TAS1R2: variants seen among roughly 807,000 people sequenced by gnomAD.
The protein encoded by TAS1R2 is taste receptor type 1 member 2.
A neutral mutation model predicts 49.3 loss-of-function variants in TAS1R2; 47 were observed. The ratio of observed to expected loss-of-function variants is 0.95; its 90% CI spans 0.75 to 1.22. The LOEUF (loss-of-function observed/expected upper bound fraction) is 1.22, where lower values mean the gene tolerates loss of function less well. Among genes scored for constraint, TAS1R2 ranks in the 50% most tolerant of loss-of-function variants. The probability of loss-of-function intolerance (pLI) is 0.00; values close to 1 mark genes in which losing one functional copy is unlikely to be tolerated. For synonymous variants in TAS1R2, 479 were observed against 467.9 expected (o/e 1.02, Z -0.31); for missense variants, 1,155 against 1,122.1 (o/e 1.03, Z -0.42).
exon 4 of TAS1R2, chr1:18,849,342 G>A (rs538467203): frequency 1.4e-5 from 22 of 1,613,782 alleles, no homozygotes; most frequent in African/African-American, 8.0e-5. Context: ...CTGGCTGACC[G>A]TGTTGTTGAT....
At chr1:18,841,894 A>T (rs1202534325) in intron 4 of TAS1R2, 42 bp from the exon 5 acceptor site, 2 of 1,517,886 alleles carry the variant, frequency 1.3e-6, no homozygotes, top group Non-Finnish European at 1.8e-6. Context: ...CTCTTTTCCC[A>T]CATTCTGGGG....
chr1:18,854,028 G>A lies in TAS1R2; in HGVS notation c.1257+185C>T, dbSNP rs559717405. Reference sequence around the variant, plus strand: ...ATTCCACCTGAATCTCCCAAGAACAGACTACTATCTTGAATGGTGAGTGTT... The same window carrying A: ...ATTCCACCTGAATCTCCCAAGAACAAACTACTATCTTGAATGGTGAGTGTT... On this transcript the variant is annotated intron_variant, in intron 3 of 5. Coordinates refer to ENST00000375371, the Ensembl canonical transcript of TAS1R2. This position sits in a 1 kb window ranked among gnomAD's most constrained non-coding sequence, Gnocchi z 4.9. 9.2e-5 allele frequency among the ~76,000 whole-genome samples: 14 copies of A among 152,336 alleles called. No homozygotes were observed. Among genetic ancestry groups the A allele is most frequent in the African/African-American group, 3.4e-4 (14 of 41,568 alleles).
At position 18,842,241 on chromosome 1, in the gene TAS1R2, G is replaced by A. The variant is rs149580127; in HGVS notation, c.1468-389C>T. 5.6e-3 allele frequency among the ~76,000 whole-genome samples: 853 copies of A among 152,192 alleles called. 9 individuals carry two copies. The highest frequency in any genetic ancestry group is 0.019 in the African/African-American group (807 of 41,494). ...GCACTTATGAAGGTCACAGTTCTGG[G>A]GCACAGGCTTACTGAAAGATTGAGA... On this transcript the variant is annotated intron_variant, in intron 4 of 5. Coordinates refer to ENST00000375371, the Ensembl canonical transcript of TAS1R2.
Position 18,849,419 on chromosome 1 carries a change from C to A in TAS1R2, c.1389G>T (p.Gln463His), listed in dbSNP as rs915916357. Residue 463 changes from glutamine (Q) to histidine (H), a missense_variant, in exon 4 of 6, where the codon CAG becomes CAT. Coordinates refer to ENST00000375371, the Ensembl canonical transcript of TAS1R2. ...GCAGGGGGTAGTAGGAGGCGACGCT[C>A]TGGAAGGGATTCTGGCTCCGGTCCC... The A allele has an allele frequency of 3.1e-6, 5 of 1,614,120 alleles. No homozygotes were observed. The African/African-American group carries it at 4.0e-5, about 13-fold the overall frequency.
At chr1:18,839,766 C>A (rs760329980) in exon 6 of TAS1R2, 1 of 1,614,066 alleles carries the variant, frequency 6.2e-7, no homozygotes, top group African/African-American at 1.3e-5. Flanking sequence ...ACCAGCACCC[C>A]GCTGTAGGCA....
At chr1:18,840,119 C>T (rs1262448574) in exon 6 of TAS1R2, 29 of 1,614,202 alleles carry the variant, frequency 1.8e-5, no homozygotes, top group Non-Finnish European at 2.4e-5. Flanking sequence ...GCTGTAGGCG[C>T]GTGGGAAGCG....
intron 1 of TAS1R2, chr1:18,858,600 A>G (rs1934184548): frequency 6.6e-6 from 1 of 152,386 alleles, no homozygotes; most frequent in Non-Finnish European, 1.5e-5. Flanking sequence ...CACTATCATC[A>G]TCATCATCAC....
At chr1:18,839,734 G>T in exon 6 of TAS1R2, 1 of 1,614,214 alleles carries the variant, frequency 6.2e-7, no homozygotes, top group Non-Finnish European at 8.5e-7. Context: ...TGAGCACAGT[G>T]ACCAAGAGGT....
chr1:18,855,170 G>C lies in TAS1R2; in HGVS notation c.484-184C>G, dbSNP rs181747688. On this transcript the variant is annotated intron_variant, in intron 2 of 5. Transcript: ENST00000375371. ...GCCCCATGCAATAAGAACCTACTGT[G>C]TGCCAGGCCCTAGGCCAGGTGCCTT... Among the ~76,000 whole-genome samples the C allele has an allele frequency of 2.9e-3, 440 of 152,268 alleles. 1 individual carries two copies. Among genetic ancestry groups the C allele is most frequent in the African/African-American group, 9.6e-3 (399 of 41,542 alleles).
chr1:18,841,729 C>T (rs1436059836), exon 5 of TAS1R2: 2 of 1,613,206 alleles, frequency 1.2e-6, no homozygotes, highest in South Asian at 2.2e-5. Flanking sequence ...TGAATCATAC[C>T]TTCAGTGTGG....
At chr1:18,849,424 A>G (rs1933981434) in exon 4 of TAS1R2, 6 of 1,614,246 alleles carry the variant, frequency 3.7e-6, no homozygotes, top group Non-Finnish European at 5.1e-6. Flanking sequence ...ACGCTCTGGA[A>G]GGGATTCTGG....
chr1:18,851,381 G>A (rs1458716197), intron 3 of TAS1R2, among the ~76,000 whole-genome samples: 4 of 152,120 alleles, frequency 2.6e-5, no homozygotes, highest in African/African-American at 9.7e-5. Context: ...AGGCTGGAGT[G>A]CAGAGGTGCG....
chr1:18,852,304 G>A (rs1392023795), intron 3 of TAS1R2, among the ~76,000 whole-genome samples: 2 of 152,142 alleles, frequency 1.3e-5, no homozygotes, highest in Non-Finnish European at 2.9e-5. Flanking sequence ...CCTTCATGAG[G>A]GGGTCCATTT....
intron 1 of TAS1R2, chr1:18,858,481 CCAT>C (rs966382673): frequency 3.9e-5 from 6 of 152,374 alleles, no homozygotes; most frequent in African/African-American, 1.2e-4. Context: ...AAAACCATCA[CCAT>C]CATCAACGCA....
Position 18,854,922 on chromosome 1 carries a change from G to T in TAS1R2, c.548C>A (p.Thr183Asn), listed in dbSNP as rs776572438. The change falls in exon 3 of 6, where the codon ACC becomes AAC. Residue 183 changes from threonine to asparagine, a missense_variant. Thr to Asn is a moderately conservative substitution (Grantham distance 65). Coordinates refer to ENST00000375371, the Ensembl canonical transcript of TAS1R2. This position sits in a 1 kb window ranked among gnomAD's most constrained non-coding sequence, Gnocchi z 4.9. ...GATGTGGTGGTCGGCGCTGGGTGTG[G>T]TACGCAGCAAAGCCGGGAAGCGCAC... is the stretch of plus-strand genomic sequence containing the variant. 3 of 1,611,726 alleles carry T rather than the reference G, an allele frequency of 1.9e-6. No individual in the cohort carries two copies. The highest frequency in any genetic ancestry group is 2.2e-5 in the East Asian group (1 of 44,810).
Position 18,849,234 on chromosome 1 carries a change from A to G in TAS1R2, c.1467+107T>C. On this transcript the variant is annotated intron_variant, in intron 4 of 5. Transcript: ENST00000375371. ...CAAATAGACATCCCCCCAGAGATTG[A>G]TAAAGCATCTCCAGGCTCTGTCCCT... is the stretch of plus-strand genomic sequence containing the variant. The G allele has an allele frequency of 3.4e-6, 4 of 1,185,746 alleles. No homozygotes were observed. The South Asian group carries it at 5.8e-5, about 17-fold the overall frequency. 73.5% of individuals were successfully genotyped at this position (1,185,746 alleles called of 1,614,324 possible).
intron 5 of TAS1R2, among the ~76,000 whole-genome samples, chr1:18,840,730 A>G (rs556661329): frequency 2.6e-5 from 4 of 152,348 alleles, no homozygotes; most frequent in African/African-American, 9.6e-5. Context: ...TGAGGAAACC[A>G]AGGCTCAGCC....
chr1:18,859,088 A>C (rs1934193046), intron 1 of TAS1R2, among the ~76,000 whole-genome samples: 1 of 152,142 alleles, frequency 6.6e-6, no homozygotes, highest in Non-Finnish European at 1.5e-5. Context: ...CTACAGAAAA[A>C]TCACATTCTG....
intron 2 of TAS1R2, among the ~76,000 whole-genome samples, chr1:18,856,885 G>A (rs183272552): frequency 2.8e-4 from 42 of 152,282 alleles, no homozygotes; most frequent in Non-Finnish European, 4.7e-4. Context: ...CCTTGTGCTA[G>A]GCAGCTGTAC....
Sources: allele counts gnomAD v4.1 joint callset (sites outside exome capture counted in the v4.1 genomes callset), GRCh38; gene constraint gnomAD v4.1.1; non-coding constraint Gnocchi (gnomAD v3.1); transcripts MANE v1.5; gene names NCBI Gene and HGNC (gene_info 2026-07-23, HGNC 2026-07-21).